The following NRG4 variants were observed in gnomAD, a reference collection of about 807,000 sequenced individuals.
The protein encoded by NRG4 is pro-neuregulin-4, membrane-bound isoform.
In NRG4, 10 loss-of-function variants were observed where a neutral mutation model predicts 15.0. The ratio of observed to expected loss-of-function variants is 0.67; its 90% CI spans 0.41 to 1.13. The LOEUF (loss-of-function observed/expected upper bound fraction) is 1.13, where lower values mean the gene tolerates loss of function less well. Among genes scored for constraint, NRG4 ranks in the 50% most tolerant of loss-of-function variants. The pLI is 0.00. For synonymous variants in NRG4, 41 were observed against 50.1 expected (o/e 0.82, Z 0.77); for missense variants, 139 against 140.2 (o/e 0.99, Z 0.04).
chr15:75,940,674 G>T (rs964961476), downstream of NRG4: 5 of 152,110 alleles, frequency 3.3e-5, no homozygotes, highest in African/African-American at 1.2e-4. Context: ...GGAGAACCTA[G>T]AAATAAACCC....
At chr15:75,949,848 G>A (rs1421723647) in intron 5 of NRG4, among the ~76,000 whole-genome samples, 1 of 152,168 alleles carries the variant, frequency 6.6e-6, no homozygotes, top group Non-Finnish European at 1.5e-5. Context: ...TTTCTGTATT[G>A]AATTGCCTTG....
chr15:75,997,026 A>C (rs2034240414), intron 3 of NRG4, among the ~76,000 whole-genome samples: 1 of 152,074 alleles, frequency 6.6e-6, no homozygotes, highest in African/African-American at 2.4e-5. Flanking sequence ...TCTTCTCCCC[A>C]TTTGAGACTT....
rs1337939978 is a variant in NRG4 at position 76,004,425 on chromosome 15, A to C, written c.104+4775T>G. 2.0e-5 allele frequency among the ~76,000 whole-genome samples: 3 copies of C among 151,864 alleles called. No homozygotes were observed. The East Asian group carries it at 5.8e-4, about 29-fold the overall frequency. ...AGACCAGCCTGACCAAAATGGAGAA[A>C]TCTTGTCTCTACTAAAAATACAAAA... On this transcript the variant is annotated intron_variant, in intron 3 of 5. Coordinates refer to ENST00000394907, the MANE Select transcript of NRG4 (RefSeq NM_138573.4).
chr15:75,956,582 T>C (rs1191778273), intron 4 of NRG4, among the ~76,000 whole-genome samples: 1 of 152,220 alleles, frequency 6.6e-6, no homozygotes, highest in African/African-American at 2.4e-5. Flanking sequence ...CAGTTTTAGC[T>C]TACATTAATG....
intron 5 of NRG4, among the ~76,000 whole-genome samples, chr15:76,017,435 C>T (rs556819631): frequency 6.6e-5 from 10 of 152,052 alleles, no homozygotes; most frequent in Admixed American, 1.3e-4. Flanking sequence ...TTCATAGTGT[C>T]GATGGTCTTT....
chr15:76,056,272 A>T (rs1233501751), intron 2 of NRG4, among the ~76,000 whole-genome samples: 1 of 151,866 alleles, frequency 6.6e-6, no homozygotes, highest in South Asian at 2.1e-4. Context: ...ACATGGAGAA[A>T]CCCCATCTCT....
At chr15:76,028,903 CAAAAAA>C (rs34533266) in intron 5 of NRG4, among the ~76,000 whole-genome samples, 1 of 54,288 alleles carries the variant, frequency 1.8e-5, no homozygotes, top group Non-Finnish European at 3.6e-5. Flanking sequence ...ACTCCTCCTC[CAAAAAA>C]AAAAAAAAAA....
intron 3 of NRG4, among the ~76,000 whole-genome samples, chr15:76,002,214 T>C (rs1240868074): frequency 1.3e-5 from 2 of 152,164 alleles, no homozygotes; most frequent in African/African-American, 2.4e-5. Flanking sequence ...GGATTTAAAC[T>C]GTTAGAAGAT....
At chr15:75,987,351 G>A (rs1018166520) in intron 3 of NRG4, among the ~76,000 whole-genome samples, 1 of 152,170 alleles carries the variant, frequency 6.6e-6, no homozygotes, top group Non-Finnish European at 1.5e-5. Flanking sequence ...GTATGAACCA[G>A]CAACTTATTT....
At chr15:75,945,234 T>C (rs1429518111) in intron 5 of NRG4, among the ~76,000 whole-genome samples, 1 of 151,042 alleles carries the variant, frequency 6.6e-6, no homozygotes, top group Non-Finnish European at 1.5e-5. Flanking sequence ...AATCTTTCCA[T>C]TCTCTGATAT....
In NRG4 at chr15:76,000,174, G is replaced by T. The variant is rs150893775; in HGVS notation, c.104+9026C>A. ...GTTGGGATTACAGGCATGAGCCACT[G>T]CACCTGGCTGGAAAGTCTTTTTTAA... On this transcript the variant is annotated intron_variant, in intron 3 of 5. Coordinates refer to ENST00000394907, the MANE Select transcript of NRG4 (RefSeq NM_138573.4). Among the ~76,000 whole-genome samples, 326 of 152,236 alleles carry T rather than the reference G, an allele frequency of 2.1e-3. 3 individuals carry two copies. Among genetic ancestry groups the T allele is most frequent in the Non-Finnish European group, 3.7e-3 (254 of 68,018 alleles).
intron 4 of NRG4, among the ~76,000 whole-genome samples, chr15:76,044,056 G>A (rs919240417): frequency 6.6e-6 from 1 of 152,094 alleles, no homozygotes; most frequent in African/African-American, 2.4e-5. Context: ...GGACTGCAGT[G>A]GCGCAATCTC....
chr15:76,058,024 T>G (rs1596072360), intron 1 of NRG4, among the ~76,000 whole-genome samples: 1 of 151,986 alleles, frequency 6.6e-6, no homozygotes, highest in Non-Finnish European at 1.5e-5. Flanking sequence ...ACTCTGAGAG[T>G]TAATTAGCGT....
At chr15:76,048,152 CAAA>C (rs113391379) in intron 4 of NRG4, among the ~76,000 whole-genome samples, 4 of 68,728 alleles carry the variant, frequency 5.8e-5, no homozygotes, top group Non-Finnish European at 9.6e-5. Flanking sequence ...AACCCTGTTT[CAAA>C]AAAAAAAAAA....
At chr15:76,011,428 A>T (rs2034806659) in intron 1 of NRG4, 142 bp from the exon 2 acceptor site, 1 of 398,608 alleles carries the variant, frequency 2.5e-6, no homozygotes, top group African/African-American at 2.1e-5. Flanking sequence ...GACAAATTTT[A>T]GTTACAGCAT....
intron 2 of NRG4, 53 bp from the exon 3 acceptor site, chr15:76,009,346 T>TTAG: frequency 2.5e-6 from 2 of 795,132 alleles, no homozygotes; most frequent in Non-Finnish European, 3.9e-6. Flanking sequence ...GTTTTCCTAA[T>TTAG]GCAACAAGGA....
At chr15:75,945,012 T>G (rs1448270540) in intron 5 of NRG4, among the ~76,000 whole-genome samples, 2 of 151,966 alleles carry the variant, frequency 1.3e-5, no homozygotes, top group East Asian at 3.8e-4. Context: ...TGTGTGTGGA[T>G]TCTAAAAAAT....
chr15:75,953,290 G>A (rs921293948), intron 5 of NRG4, among the ~76,000 whole-genome samples: 2 of 152,140 alleles, frequency 1.3e-5, no homozygotes, highest in Non-Finnish European at 2.9e-5. Flanking sequence ...ACCCCCCACT[G>A]AATTGTCTGG....
chr15:75,953,339 G>T (rs1595948365), intron 5 of NRG4, among the ~76,000 whole-genome samples: 2 of 152,132 alleles, frequency 1.3e-5, no homozygotes, highest in East Asian at 3.8e-4. Flanking sequence ...ATGTAAGAAG[G>T]TATGTCTGAA....
Sources: allele counts gnomAD v4.1 joint callset (sites outside exome capture counted in the v4.1 genomes callset), GRCh38; gene constraint gnomAD v4.1.1; transcripts MANE v1.5; gene names NCBI Gene and HGNC (gene_info 2026-07-23, HGNC 2026-07-21).